CERS6: variants seen among roughly 807,000 people sequenced by gnomAD.
The protein encoded by CERS6 is LAG1 homolog, ceramide synthase 6.
In CERS6, 26 loss-of-function variants were observed where a neutral mutation model predicts 56.8. That is an observed-to-expected ratio of 0.46 (90% CI 0.34 to 0.63). The LOEUF is 0.63. Ranked by LOEUF, CERS6 falls within the 30% of genes least tolerant of loss-of-function variation. CERS6 has a pLI of 0.01. For missense variants in CERS6, 415 were observed against 467.5 expected, an observed-to-expected ratio of 0.89 and a Z score of 1.04; for synonymous variants, 164 against 173.3, an observed-to-expected ratio of 0.95 and a Z score of 0.42.
rs1367286570 is a variant in CERS6 at position 168,773,353 on chromosome 2, G to A, written c.*3691G>A. 1 of 152,174 alleles carries A rather than the reference G, an allele frequency of 6.6e-6. No homozygotes were observed. The highest frequency in any genetic ancestry group is 1.5e-5 in the Non-Finnish European group (1 of 68,032). 9.4% of individuals were successfully genotyped at this position (152,174 alleles called of 1,614,324 possible). On this transcript the variant is annotated 3_prime_UTR_variant, in exon 10 of 10. Coordinates refer to ENST00000305747, the MANE Select transcript of CERS6 (RefSeq NM_203463.3). ...CAGAGAGGCTTCAAGAAATCCTTTG[G>A]AAATAAAAAGTTAAATGTTTACATT...
intron 2 of CERS6, among the ~76,000 whole-genome samples, chr2:168,557,284 T>C (rs1053829605): frequency 3.3e-5 from 5 of 152,128 alleles, no homozygotes; most frequent in African/African-American, 1.2e-4. Context: ...TGAGGAAAGT[T>C]TTCAAGCACT....
chr2:168,595,256 A>T (rs989117585), intron 3 of CERS6, among the ~76,000 whole-genome samples: 3 of 152,246 alleles, frequency 2.0e-5, no homozygotes, highest in Admixed American at 2.0e-4. Context: ...ATGCAGTGCT[A>T]CAGAATAATT....
At chr2:168,709,854 T>G (rs1687044802) in intron 6 of CERS6, among the ~76,000 whole-genome samples, 1 of 152,144 alleles carries the variant, frequency 6.6e-6, no homozygotes, top group African/African-American at 2.4e-5. Context: ...TGGACCAGAT[T>G]CAGTGCCTAC....
intron 1 of CERS6, among the ~76,000 whole-genome samples, chr2:168,505,821 A>G (rs998750222): frequency 1.3e-5 from 2 of 152,190 alleles, no homozygotes; most frequent in African/African-American, 4.8e-5. Context: ...TTCTAGCTCA[A>G]TCAGGATTAT....
intron 2 of CERS6, among the ~76,000 whole-genome samples, chr2:168,553,036 A>G (rs1291690420): frequency 6.6e-6 from 1 of 152,206 alleles, no homozygotes. Flanking sequence ...ATGGTTGGTC[A>G]ACAAGAGGAG....
chr2:168,616,031 A>G (rs1019008210), intron 3 of CERS6, among the ~76,000 whole-genome samples: 11 of 152,226 alleles, frequency 7.2e-5, no homozygotes, highest in Non-Finnish European at 1.3e-4. Flanking sequence ...CTCAGCAGAA[A>G]TCCTACAAGC....
chr2:168,763,025 C>T (rs778480353), intron 8 of CERS6, among the ~76,000 whole-genome samples: 3 of 151,980 alleles, frequency 2.0e-5, no homozygotes, highest in Non-Finnish European at 2.9e-5. Flanking sequence ...AGGCATGTGC[C>T]ACCATACATG....
intron 4 of CERS6, among the ~76,000 whole-genome samples, chr2:168,654,882 G>A (rs571324815): frequency 6.6e-6 from 1 of 152,312 alleles, no homozygotes; most frequent in East Asian, 1.9e-4. Flanking sequence ...TGAAGACCAG[G>A]AAGTTTGTTT....
intron 4 of CERS6, among the ~76,000 whole-genome samples, chr2:168,674,688 A>G (rs548840465): frequency 4.6e-5 from 7 of 152,194 alleles, no homozygotes; most frequent in Non-Finnish European, 1.0e-4. Context: ...AGAGAAGTTC[A>G]TTTCTGCCTC....
chr2:168,460,291 C>T (rs1427731872), intron 1 of CERS6, among the ~76,000 whole-genome samples: 1 of 151,898 alleles, frequency 6.6e-6, no homozygotes, highest in African/African-American at 2.4e-5. Context: ...ACCTCCTGGG[C>T]TCAAGCAGTC....
chr2:168,561,421 A>G, intron 3 of CERS6, 99 bp downstream of exon 3: 1 of 1,340,368 alleles, frequency 7.5e-7, no homozygotes, highest in African/African-American at 1.5e-5. Flanking sequence ...GCAGCCCTTA[A>G]AAAGCTGCAA....
intron 4 of CERS6, among the ~76,000 whole-genome samples, chr2:168,646,696 T>A (rs1418272211): frequency 6.6e-6 from 1 of 152,214 alleles, no homozygotes; most frequent in African/African-American, 2.4e-5. Context: ...CTTTAATCTA[T>A]CTTGAGTTGA....
At chr2:168,654,282 C>T (rs1685415739) in intron 4 of CERS6, among the ~76,000 whole-genome samples, 1 of 152,060 alleles carries the variant, frequency 6.6e-6, no homozygotes, top group African/African-American at 2.4e-5. Flanking sequence ...GGTGTGGTGG[C>T]TAATGCCTGT....
chr2:168,558,738 TGGC>T (rs1558997497), intron 2 of CERS6, among the ~76,000 whole-genome samples: 1 of 149,402 alleles, frequency 6.7e-6, no homozygotes, highest in African/African-American at 2.5e-5. Flanking sequence ...GTGTGGTGGC[TGGC>T]GCCTGTAGTC....
intron 4 of CERS6, among the ~76,000 whole-genome samples, chr2:168,665,339 A>C (rs1361752125): frequency 6.6e-6 from 1 of 152,170 alleles, no homozygotes; most frequent in Non-Finnish European, 1.5e-5. Context: ...TGGGTATAAC[A>C]TAAGTTATTT....
intron 1 of CERS6, among the ~76,000 whole-genome samples, chr2:168,494,871 A>G (rs924897242): frequency 6.6e-6 from 1 of 152,104 alleles, no homozygotes; most frequent in Non-Finnish European, 1.5e-5. Context: ...TATGGCTTGC[A>G]TTCTGTGGGG....
At chr2:168,473,999 A>G (rs1458119739) in intron 1 of CERS6, among the ~76,000 whole-genome samples, 1 of 152,232 alleles carries the variant, frequency 6.6e-6, no homozygotes, top group African/African-American at 2.4e-5. Flanking sequence ...TGAAAGCTGC[A>G]GTGAGCTATG....
intron 1 of CERS6, among the ~76,000 whole-genome samples, chr2:168,535,528 G>A (rs1162995072): frequency 6.6e-6 from 1 of 152,068 alleles, no homozygotes; most frequent in African/African-American, 2.4e-5. Flanking sequence ...GCCTCCTAGT[G>A]AGTTCTGATG....
rs1184018333 is a variant in CERS6, at chr2:168,457,428, T to C, written c.170+810T>C. 1.2e-4 allele frequency among the ~76,000 whole-genome samples: 18 copies of C among 152,230 alleles called. No individual in the cohort carries two copies. The East Asian group carries it at 3.5e-3, about 29-fold the overall frequency. On this transcript the variant is annotated intron_variant, in intron 1 of 9. Coordinates refer to ENST00000305747, the MANE Select transcript of CERS6 (RefSeq NM_203463.3). ...TCGGTTTGGTTGGATATCTCCATTG[T>C]GTCACATACAAACTTGTGTTATTCT...
Sources: allele counts gnomAD v4.1 joint callset (sites outside exome capture counted in the v4.1 genomes callset), GRCh38; gene constraint gnomAD v4.1.1; transcripts MANE v1.5; gene names NCBI Gene and HGNC (gene_info 2026-07-23, HGNC 2026-07-21).